ROR2: variants seen among roughly 807,000 people sequenced by gnomAD.
ROR2 encodes the protein tyrosine-protein kinase transmembrane receptor ROR2.
ROR2 carries 33 observed loss-of-function variants against 74.9 expected under a neutral mutation model. The ratio of observed to expected loss-of-function variants is 0.44; its 90% confidence interval spans 0.33 to 0.59. ROR2 has a LOEUF of 0.59. ROR2 is among the 20% of genes least tolerant of loss of function. The probability of loss-of-function intolerance (pLI) is 0.02; values close to 1 mark genes in which losing one functional copy is unlikely to be tolerated. For synonymous variants in ROR2, 586 were observed against 558.7 expected, an observed-to-expected ratio of 1.05 and a Z score of -0.69; for missense variants, 1,216 against 1,313.8, an observed-to-expected ratio of 0.93 and a Z score of 1.15.
intron 4 of ROR2, among the ~76,000 whole-genome samples, chr9:91,751,024 T>C (rs1477317556): frequency 1.3e-5 from 2 of 152,212 alleles, no homozygotes; most frequent in Non-Finnish European, 2.9e-5. Context: ...GGTGAGGCTA[T>C]GAATGACTTG....
chr9:91,913,181 T>TA (rs1202767107), intron 1 of ROR2, among the ~76,000 whole-genome samples: 2 of 148,926 alleles, frequency 1.3e-5, no homozygotes, highest in Non-Finnish European at 3.0e-5. Flanking sequence ...CAGCAGAGAG[T>TA]ATACAATGGT....
intron 1 of ROR2, among the ~76,000 whole-genome samples, chr9:91,946,674 A>G (rs1832021761): frequency 6.6e-6 from 1 of 152,276 alleles, no homozygotes; most frequent in South Asian, 2.1e-4. Context: ...GATTACAAAG[A>G]GTACACAAAT....
In ROR2 at chr9:91,723,570, A is replaced by T. The variant is rs549371324; in HGVS notation, c.*92T>A. On this transcript the variant is annotated 3_prime_UTR_variant, in exon 9 of 9. Coordinates refer to ENST00000375708, the MANE Select transcript of ROR2 (RefSeq NM_004560.4). ...GCCCACTGGCCGGCGGGCTCTTGTG[A>T]TTGCTGAGTATGGTGTCTTCTCAAA... 6.5e-7 allele frequency: 1 copy of T among 1,538,384 alleles called. No individual in the cohort carries two copies. Among genetic ancestry groups the T allele is most frequent in the African/African-American group, 1.4e-5 (1 of 73,018 alleles).
intron 1 of ROR2, among the ~76,000 whole-genome samples, chr9:91,899,737 GCA>G (rs1348228223): frequency 2.0e-5 from 3 of 151,950 alleles, no homozygotes; most frequent in African/African-American, 2.4e-5. Flanking sequence ...CTACACACAA[GCA>G]CACACATATA....
chr9:91,761,664 T>G (rs1259062515), intron 2 of ROR2, among the ~76,000 whole-genome samples: 1 of 152,182 alleles, frequency 6.6e-6, no homozygotes, highest in East Asian at 1.9e-4. Flanking sequence ...GCCCAGTTCC[T>G]AACAGGCCAC....
chr9:91,913,583 C>A (rs1831046942), intron 1 of ROR2, among the ~76,000 whole-genome samples: 1 of 152,218 alleles, frequency 6.6e-6, no homozygotes, highest in Non-Finnish European at 1.5e-5. Context: ...TTGACATCAA[C>A]TGGGACAAAC....
At chr9:91,840,024 C>G (rs543940081) in intron 1 of ROR2, among the ~76,000 whole-genome samples, 1 of 152,302 alleles carries the variant, frequency 6.6e-6, no homozygotes, top group East Asian at 1.9e-4. Flanking sequence ...TGTACTGGCC[C>G]CCGTTCCCTG....
chr9:91,733,039 C>T lies in ROR2; in HGVS notation c.937+83G>A. 1 of 1,355,852 alleles carries T rather than the reference C, an allele frequency of 7.4e-7. No individual in the cohort carries two copies. Among genetic ancestry groups the T allele is most frequent in the Non-Finnish European group, 1.0e-6 (1 of 993,400 alleles). 84.0% of individuals were successfully genotyped at this position (1,355,852 alleles called of 1,614,324 possible). A position where few individuals can be genotyped will look rare whatever the true frequency, so the allele number is the denominator to read the frequency against. On this transcript the variant is annotated intron_variant, in intron 6 of 8. Coordinates refer to ENST00000375708, the MANE Select transcript of ROR2 (RefSeq NM_004560.4). The surrounding 1 kb of genome is among the most constrained non-coding windows in gnomAD (Gnocchi z 5.7). ...GCCTGGACAGATGGGGCTCCCTGGG[C>T]TTCACCGACACCCCCATACACATTT...
At chr9:91,857,684 G>A (rs1184037531) in intron 1 of ROR2, among the ~76,000 whole-genome samples, 2 of 152,078 alleles carry the variant, frequency 1.3e-5, no homozygotes, top group African/African-American at 2.4e-5. Flanking sequence ...GGGCCGGCAG[G>A]AGCAGGCAAC....
At chr9:91,875,840 G>A (rs544809210) in intron 1 of ROR2, among the ~76,000 whole-genome samples, 4 of 152,200 alleles carry the variant, frequency 2.6e-5, no homozygotes, top group East Asian at 3.9e-4. Flanking sequence ...TATAAGGGGG[G>A]TCCAAGTGGC....
At chr9:91,789,820 C>G (rs1008361266) in intron 1 of ROR2, among the ~76,000 whole-genome samples, 1 of 151,952 alleles carries the variant, frequency 6.6e-6, no homozygotes, top group Non-Finnish European at 1.5e-5. Context: ...AGAAGTAAAG[C>G]GTACCATATT....
chr9:91,940,176 C>T (rs928505770), intron 1 of ROR2, among the ~76,000 whole-genome samples: 4 of 152,224 alleles, frequency 2.6e-5, no homozygotes, highest in Non-Finnish European at 5.9e-5. Flanking sequence ...AAGGCCATTT[C>T]CAGCAGGGCT....
chr9:91,824,658 C>T (rs1407642440), intron 1 of ROR2, among the ~76,000 whole-genome samples: 1 of 152,164 alleles, frequency 6.6e-6, no homozygotes. Context: ...TGGGAGTGCC[C>T]GGGAACTCCC....
At chr9:91,861,956 C>T (rs74395936) in intron 1 of ROR2, among the ~76,000 whole-genome samples, 4,557 of 152,200 alleles carry the variant, frequency 0.03, 170 homozygotes, top group Middle Eastern at 0.092. Flanking sequence ...GGAGATGGGG[C>T]TTTGTGGAAG....
chr9:91,924,842 G>A (rs1040782118), intron 1 of ROR2, among the ~76,000 whole-genome samples: 3 of 151,070 alleles, frequency 2.0e-5, no homozygotes, highest in Non-Finnish European at 4.4e-5. Flanking sequence ...TGCTTTTTTT[G>A]TTTTGTTTGT....
In ROR2 at chr9:91,938,813, A is replaced by G. The variant is rs572580078; in HGVS notation, c.97+11054T>C. 9.2e-4 allele frequency among the ~76,000 whole-genome samples: 140 copies of G among 152,302 alleles called. 1 individual carries two copies. Among genetic ancestry groups the G allele is most frequent in the African/African-American group, 2.8e-3 (118 of 41,570 alleles). ...CATATTGACTTGCATTTGTAGAATA[A>G]CCCACAGTTGAGAATTAGCACCACT... On this transcript the variant is annotated intron_variant, in intron 1 of 8. Coordinates refer to ENST00000375708, the MANE Select transcript of ROR2 (RefSeq NM_004560.4).
chr9:91,733,466 G>A lies in ROR2; in HGVS notation c.623-30C>T. ...AGAGCCCGCGAGACTCGCGTTAGCG[G>A]GGGACCCACCTTGCGCCCTTGACAT... On this transcript the variant is annotated intron_variant, in intron 5 of 8. Coordinates refer to ENST00000375708, the MANE Select transcript of ROR2 (RefSeq NM_004560.4). This position sits in a 1 kb window ranked among gnomAD's most constrained non-coding sequence, Gnocchi z 5.7. 6.3e-7 allele frequency: 1 copy of A among 1,599,888 alleles called. No homozygotes were observed.
chr9:91,753,828 A>G (rs187208975), intron 4 of ROR2, among the ~76,000 whole-genome samples: 130 of 152,342 alleles, frequency 8.5e-4, no homozygotes, highest in Non-Finnish European at 1.5e-3. Context: ...TATAAAACTG[A>G]TAAGAGGTAT....
chr9:91,724,371 C>G lies in ROR2; in HGVS notation c.2123G>C (p.Arg708Pro). The change falls in exon 9 of 9, where the codon CGG becomes CCG. Residue 708 changes from arginine to proline, a missense_variant. Coordinates refer to ENST00000375708, the MANE Select transcript of ROR2 (RefSeq NM_004560.4). Reference sequence around the variant, plus strand: ...GTCATCGGGGCAAGGCAGCACCTGCCGGTTCCGGATCATCTCCACCACATC... The same window carrying G: ...GTCATCGGGGCAAGGCAGCACCTGCGGGTTCCGGATCATCTCCACCACATC... Reference protein sequence around the residue: ...NQDVVEMIRNRQVLPCPDDCP... With the variant: ...NQDVVEMIRNPQVLPCPDDCP... 2 of 1,613,976 alleles carry G rather than the reference C, an allele frequency of 1.2e-6. No homozygotes were observed. The highest frequency in any genetic ancestry group is 1.7e-6 in the Non-Finnish European group (2 of 1,180,034).
Sources: allele counts gnomAD v4.1 joint callset (sites outside exome capture counted in the v4.1 genomes callset), GRCh38; gene constraint gnomAD v4.1.1; non-coding constraint Gnocchi (gnomAD v3.1); transcripts MANE v1.5; gene names NCBI Gene and HGNC (gene_info 2026-07-23, HGNC 2026-07-21).